LTN1: variants seen among roughly 807,000 people sequenced by gnomAD.
LTN1 encodes the protein E3 ubiquitin-protein ligase listerin.
Under a neutral mutation model 201.2 loss-of-function variants are expected in LTN1, and 88 were observed. That is an observed-to-expected ratio of 0.44 (90% CI 0.37 to 0.52). LTN1 has a LOEUF of 0.52. Among genes scored for constraint, LTN1 ranks in the 20% least tolerant of loss-of-function variants. The pLI is 0.00. For synonymous variants in LTN1, 645 were observed against 713.5 expected (o/e 0.90, Z 1.53); for missense variants, 1,752 against 2,038.7 (o/e 0.86, Z 2.71).
chr21:28,953,253 C>T lies in LTN1; in HGVS notation c.3203G>A (p.Gly1068Asp), dbSNP rs372578426. Residue 1068 changes from glycine to aspartate, a missense_variant, in exon 17 of 30, where the codon GGT (glycine) becomes GAT (aspartate). This residue lies in a region of LTN1 where 1,211 missense variants were observed against 1,312.8 expected (regional missense o/e 0.92). Coordinates refer to ENST00000361371, the MANE Select transcript of LTN1 (RefSeq NM_015565.3). Reference sequence around the variant, plus strand: ...CAGCTGCAAAAGGCCCGACGTATTACCAAGTACACGTAAGTTATCATACGT... The same window carrying T: ...CAGCTGCAAAAGGCCCGACGTATTATCAAGTACACGTAAGTTATCATACGT... ...NITYDNLRVL[G>D]NTSGLLQLLF... is the part of the protein sequence containing the mutation. The T allele has an allele frequency of 6.3e-7, 1 of 1,590,266 alleles. No individual in the cohort carries two copies. The highest frequency in any genetic ancestry group is 8.5e-7 in the Non-Finnish European group (1 of 1,173,512).
intron 26 of LTN1, among the ~76,000 whole-genome samples, chr21:28,935,665 C>T (rs139482081): frequency 2.0e-4 from 30 of 151,790 alleles, no homozygotes; most frequent in Middle Eastern, 3.4e-3. Flanking sequence ...ACGGTGAAAC[C>T]CCGTCTCTAC....
chr21:28,964,700 C>G (rs943102286), intron 11 of LTN1: 3 of 1,550,370 alleles, frequency 1.9e-6, no homozygotes, highest in Admixed American at 3.9e-5. Context: ...AACTTCCAAT[C>G]ACTGCTCAGG....
chr21:28,981,567 A>G (rs780021665), intron 5 of LTN1, among the ~76,000 whole-genome samples: 15 of 152,220 alleles, frequency 9.9e-5, no homozygotes, highest in Non-Finnish European at 2.1e-4. Flanking sequence ...AGCATGTACA[A>G]GGGTGATCCC....
rs771161983 is a variant in LTN1, at chr21:28,970,781, T to G, written c.985-39A>C. The stretch of plus-strand genomic sequence containing the variant: ...AGATTATAGTAGTAATTAGAGATCA[T>G]AAACATACTTTTCTCAATTAAAAGA... On this transcript the variant is annotated intron_variant, in intron 7 of 29. Transcript: ENST00000361371. 17 of 1,444,442 alleles carry G rather than the reference T, an allele frequency of 1.2e-5. No homozygotes were observed. The African/African-American group carries it at 2.4e-4, about 20-fold the overall frequency. The allele number at this position is 1,444,442 out of a possible 1,614,324, so 89.5% of individuals were successfully genotyped here.
In LTN1 at chr21:28,928,173, T is replaced by TA. The variant is rs1374866384; in HGVS notation, c.*2274_*2275insT. 1 of 152,586 alleles carries TA rather than the reference T, an allele frequency of 6.6e-6. No individual in the cohort carries two copies. The highest frequency in any genetic ancestry group is 1.9e-4 in the East Asian group (1 of 5,200). The allele number at this position is 152,586 out of a possible 1,614,324, so 9.5% of individuals were successfully genotyped here. A position where few individuals can be genotyped will look rare whatever the true frequency, so the allele number is the denominator to read the frequency against. On this transcript the variant is annotated 3_prime_UTR_variant, in exon 30 of 30. Coordinates refer to ENST00000361371, the MANE Select transcript of LTN1 (RefSeq NM_015565.3). ...GTACAAAAGAGTAACATTTTATTTA[T>TA]TTAAAAATCAGAAGCAAATATGGCA...
At chr21:28,959,321 G>A in intron 13 of LTN1, 137 bp downstream of exon 13, 1 of 985,652 alleles carries the variant, frequency 1.0e-6, no homozygotes, top group South Asian at 1.8e-5. Context: ...AAGTGTTTAA[G>A]ACTGTAGCCC....
At chr21:28,975,941 A>G (rs1012602769) in intron 6 of LTN1, among the ~76,000 whole-genome samples, 3 of 152,248 alleles carry the variant, frequency 2.0e-5, no homozygotes, top group Admixed American at 2.0e-4. Context: ...AACAACATGA[A>G]TGAATCTTAA....
chr21:28,936,194 T>G (rs534863017), intron 26 of LTN1, among the ~76,000 whole-genome samples: 2 of 152,340 alleles, frequency 1.3e-5, no homozygotes, highest in East Asian at 3.9e-4. Context: ...TCAGCTCACA[T>G]GTGAGCTCCC....
intron 1 of LTN1, among the ~76,000 whole-genome samples, chr21:28,992,263 C>A (rs770846279): frequency 1.6e-4 from 25 of 152,040 alleles, no homozygotes; most frequent in Non-Finnish European, 3.2e-4. Context: ...GAGGAGGGAG[C>A]TGAAGATGGG....
chr21:28,975,141 C>A (rs1333673974), intron 6 of LTN1, among the ~76,000 whole-genome samples: 1 of 152,056 alleles, frequency 6.6e-6, no homozygotes, highest in African/African-American at 2.4e-5. Context: ...GATGTCAACC[C>A]CAAGATGACC....
At chr21:28,963,378 T>C (rs986411428) in intron 11 of LTN1, among the ~76,000 whole-genome samples, 2 of 152,202 alleles carry the variant, frequency 1.3e-5, no homozygotes, top group Admixed American at 6.5e-5. Flanking sequence ...TTCTTAACCT[T>C]ATGCTAAATC....
At chr21:28,956,422 A>G (rs1391266737) in intron 16 of LTN1, among the ~76,000 whole-genome samples, 10 of 152,192 alleles carry the variant, frequency 6.6e-5, no homozygotes, top group Admixed American at 6.5e-4. Context: ...TTTAATCAAC[A>G]GAAAATTCTG....
intron 9 of LTN1, chr21:28,967,828 A>G (rs1191114624): frequency 1.3e-5 from 2 of 152,122 alleles, no homozygotes; most frequent in African/African-American, 2.4e-5. Flanking sequence ...ACTGAGTCCT[A>G]AGCCAGTGAG....
chr21:28,981,813 T>C (rs1428603141), intron 5 of LTN1, among the ~76,000 whole-genome samples: 2 of 152,234 alleles, frequency 1.3e-5, no homozygotes, highest in Non-Finnish European at 2.9e-5. Context: ...TCCCAGGTAA[T>C]TCAAGTTAAA....
At position 28,929,717 on chromosome 21, in the gene LTN1, C is replaced by T. The variant is rs953214968; in HGVS notation, c.*731G>A. 8 of 152,074 alleles carry T rather than the reference C, an allele frequency of 5.3e-5. No individual in the cohort carries two copies. Among genetic ancestry groups the T allele is most frequent in the East Asian group, 1.9e-4 (1 of 5,198 alleles). 9.4% of individuals were successfully genotyped at this position (152,074 alleles called of 1,614,324 possible). On this transcript the variant is annotated 3_prime_UTR_variant, in exon 30 of 30. Coordinates refer to ENST00000361371, the MANE Select transcript of LTN1 (RefSeq NM_015565.3). ...CTCAAATTCTCACCCTCTAGAGACT[C>T]GCTCAGAGTGATAAATTCACTGACA...
In LTN1 at chr21:28,957,473, G is replaced by A. The variant is rs757210083; in HGVS notation, c.2751C>T (p.Leu917=). 4.5e-6 allele frequency: 7 copies of A among 1,554,422 alleles called. No homozygotes were observed. The highest frequency in any genetic ancestry group is 6.1e-6 in the Non-Finnish European group (7 of 1,154,168). The part of the protein sequence containing the change: ...VQASSLDINS[L]QVLLSAVDDL... ...CATCAACAGCAGACAAGAGGACTTG[G>A]AGACTAAAAATAATGCAGAGAACTT... The change falls in exon 15 of 30, where the codon CTC becomes CTT. Residue 917 remains leucine, a synonymous_variant. Coordinates refer to ENST00000361371, the MANE Select transcript of LTN1 (RefSeq NM_015565.3).
At chr21:28,954,640 G>A (rs2084409836) in intron 16 of LTN1, among the ~76,000 whole-genome samples, 1 of 152,114 alleles carries the variant, frequency 6.6e-6, no homozygotes, top group South Asian at 2.1e-4. Context: ...ATATTTGCAG[G>A]CAATTGACAA....
chr21:28,988,330 G>A (rs2084717270), intron 1 of LTN1, among the ~76,000 whole-genome samples: 1 of 151,936 alleles, frequency 6.6e-6, no homozygotes, highest in Non-Finnish European at 1.5e-5. Context: ...AGCCAGGCGT[G>A]GTGGCATGTG....
chr21:28,948,710 G>A (rs531761354), intron 18 of LTN1, among the ~76,000 whole-genome samples: 2 of 152,138 alleles, frequency 1.3e-5, no homozygotes, highest in East Asian at 3.9e-4. Context: ...TTAAAGCTAC[G>A]TAACAAAAAT....
Sources: allele counts gnomAD v4.1 joint callset (sites outside exome capture counted in the v4.1 genomes callset), GRCh38; gene constraint gnomAD v4.1.1; regional missense constraint gnomAD v4.1.1; transcripts MANE v1.5; gene names NCBI Gene and HGNC (gene_info 2026-07-23, HGNC 2026-07-21).